The following SH3GL3 variants were observed in gnomAD, a reference collection of about 807,000 sequenced individuals.
The protein encoded by SH3GL3 is SH3 domain containing GRB2 like 3, endophilin A3, also known as endophilin-A3.
SH3GL3 carries 33 observed loss-of-function variants against 47.7 expected under a neutral mutation model. The ratio of observed to expected loss-of-function variants is 0.69; its 90% CI spans 0.52 to 0.92. The LOEUF is 0.92. SH3GL3 is among the 40% of genes least tolerant of loss of function. The pLI, the probability that SH3GL3 is intolerant of heterozygous loss-of-function variation, is 0.00. For synonymous variants in SH3GL3, 155 were observed against 148.8 expected, an observed-to-expected ratio of 1.04 and a Z score of -0.30; for missense variants, 363 against 417.8, an observed-to-expected ratio of 0.87 and a Z score of 1.14.
the SH3GL3 span, among the ~76,000 whole-genome samples, chr15:83,633,437 C>T: frequency 6.6e-6 from 1 of 152,204 alleles, no homozygotes; most frequent in Non-Finnish European, 1.5e-5. Flanking sequence ...CCCTACAGGG[C>T]AAGCTATCTA....
At chr15:83,451,067 G>T (rs2039752450) in intron 1 of SH3GL3, among the ~76,000 whole-genome samples, 1 of 106,080 alleles carries the variant, frequency 9.4e-6, no homozygotes, top group Non-Finnish European at 1.9e-5. Context: ...TTGGTTTTTT[G>T]TTCTTGCGAT....
intron 1 of SH3GL3, among the ~76,000 whole-genome samples, chr15:83,525,351 C>T (rs62027545): frequency 1.7e-3 from 247 of 148,100 alleles, no homozygotes; most frequent in Admixed American, 6.0e-3. Flanking sequence ...ATTCTTTGTG[C>T]GTGTGTGTGT....
rs555037409 is a variant in SH3GL3 at position 83,461,846 on chromosome 15, TACTC to T, written c.45+14270_45+14273del. 1.6e-4 allele frequency among the ~76,000 whole-genome samples: 24 copies of T among 152,324 alleles called. No homozygotes were observed. The South Asian group carries it at 4.1e-3, about 26-fold the overall frequency. On this transcript the variant is annotated intron_variant, in intron 1 of 8. Coordinates refer to ENST00000427482, the MANE Select transcript of SH3GL3 (RefSeq NM_003027.5). ...ACTATTCTCACTGTACTTATGTAAATACTCAGGACAAATCTGATAAAACTAACTT... is the reference window on the plus strand; with the variant it reads ...ACTATTCTCACTGTACTTATGTAAATAGGACAAATCTGATAAAACTAACTT...
intron 2 of SH3GL3, among the ~76,000 whole-genome samples, chr15:83,564,113 C>A (rs957235465): frequency 6.6e-6 from 1 of 152,134 alleles, no homozygotes; most frequent in African/African-American, 2.4e-5. Context: ...TTTCTTCCCA[C>A]TCCAGTATTT....
At chr15:83,463,354 A>C (rs193186555) in intron 1 of SH3GL3, among the ~76,000 whole-genome samples, 1 of 152,202 alleles carries the variant, frequency 6.6e-6, no homozygotes, top group Non-Finnish European at 1.5e-5. Flanking sequence ...GCTTCTGGAA[A>C]AAATGAACTC....
chr15:83,576,472 C>A, intron 5 of SH3GL3, 111 bp from the exon 6 acceptor site: 1 of 984,022 alleles, frequency 1.0e-6, no homozygotes, highest in Non-Finnish European at 1.5e-6. Flanking sequence ...TGGGTTCCTG[C>A]CCTCTGGAAT....
intron 1 of SH3GL3, among the ~76,000 whole-genome samples, chr15:83,468,591 A>C (rs2040686320): frequency 6.6e-6 from 1 of 152,188 alleles, no homozygotes; most frequent in South Asian, 2.1e-4. Flanking sequence ...GTTTTGTCAA[A>C]TGTGCATCAG....
At chr15:83,599,780 T>C (rs1003949535) in intron 8 of SH3GL3, among the ~76,000 whole-genome samples, 2 of 152,204 alleles carry the variant, frequency 1.3e-5, no homozygotes, top group Non-Finnish European at 2.9e-5. Context: ...CAGTTTTCCA[T>C]AGTGGTTGTA....
At chr15:83,475,433 C>G (rs969945326) in intron 1 of SH3GL3, among the ~76,000 whole-genome samples, 9 of 152,114 alleles carry the variant, frequency 5.9e-5, no homozygotes, top group Admixed American at 5.9e-4. Context: ...GAGCCAAGAT[C>G]ACGCCACTGT....
At chr15:83,628,911 C>A in the SH3GL3 span, among the ~76,000 whole-genome samples, 1 of 151,746 alleles carries the variant, frequency 6.6e-6, no homozygotes, top group Non-Finnish European at 1.5e-5. Context: ...AGAAAGTCAA[C>A]ATACAAAAAT....
In SH3GL3 at chr15:83,568,690, C is replaced by A. The variant is rs751559668; in HGVS notation, c.331+18C>A. ...CACCTTTGGTGAGTTATTCAGAGAT[C>A]AGCTGGGGGAGCTGAGAACTCCTCC... On this transcript the variant is annotated intron_variant, in intron 4 of 8. Transcript: ENST00000427482. The A allele has an allele frequency of 2.5e-6, 4 of 1,606,866 alleles. No homozygotes were observed. The highest frequency in any genetic ancestry group is 2.7e-5 in the African/African-American group (2 of 74,740).
chr15:83,449,180 C>T (rs935251638), intron 1 of SH3GL3, among the ~76,000 whole-genome samples: 4 of 152,166 alleles, frequency 2.6e-5, no homozygotes, highest in African/African-American at 9.7e-5. Flanking sequence ...GAGCAGTGAC[C>T]ACTCAATAAA....
chr15:83,600,169 G>A (rs2060343630), intron 8 of SH3GL3, among the ~76,000 whole-genome samples: 2 of 152,070 alleles, frequency 1.3e-5, no homozygotes, highest in South Asian at 4.2e-4. Flanking sequence ...TGTTCCTTTT[G>A]CTCTGCAAAA....
At chr15:83,588,052 C>T (rs771902659) in intron 7 of SH3GL3, among the ~76,000 whole-genome samples, 9 of 152,122 alleles carry the variant, frequency 5.9e-5, no homozygotes, top group Non-Finnish European at 1.0e-4. Context: ...CACTGGGTGC[C>T]GACCGCGTCC....
At chr15:83,616,413 C>A (rs2060818880) in intron 8 of SH3GL3, among the ~76,000 whole-genome samples, 1 of 151,908 alleles carries the variant, frequency 6.6e-6, no homozygotes, top group Non-Finnish European at 1.5e-5. Flanking sequence ...GCCACCACGC[C>A]CGGCTAATTT....
At position 83,614,808 on chromosome 15, in the gene SH3GL3, A is replaced by G. The variant is rs189255194; in HGVS notation, c.839-3274A>G. Among the ~76,000 whole-genome samples, 754 of 152,190 alleles carry G rather than the reference A, an allele frequency of 5.0e-3. 7 individuals are homozygous for G. The highest frequency in any genetic ancestry group is 5.0e-3 in the Non-Finnish European group (343 of 68,004). ...CAAGCTGTCTAAACAACTATAATAT[A>G]ATCCTTCTCACAACAGGAATCTCCA... On this transcript the variant is annotated intron_variant, in intron 8 of 8. Transcript: ENST00000427482.
chr15:83,575,896 G>C (rs1390420616), intron 5 of SH3GL3, among the ~76,000 whole-genome samples: 2 of 152,010 alleles, frequency 1.3e-5, no homozygotes, highest in Non-Finnish European at 2.9e-5. Flanking sequence ...TTCTGACACG[G>C]GGTCTCTCTG....
At chr15:83,625,635 T>C in the SH3GL3 span, among the ~76,000 whole-genome samples, 1 of 152,248 alleles carries the variant, frequency 6.6e-6, no homozygotes, top group Non-Finnish European at 1.5e-5. Flanking sequence ...TAAATTTCAA[T>C]TTTATATGTT....
At chr15:83,612,922 G>C (rs1041454135) in intron 8 of SH3GL3, among the ~76,000 whole-genome samples, 30 of 152,248 alleles carry the variant, frequency 2.0e-4, no homozygotes, top group African/African-American at 7.0e-4. Flanking sequence ...AAAAGCCTTG[G>C]CTTTCACAAT....
Sources: allele counts gnomAD v4.1 joint callset (sites outside exome capture counted in the v4.1 genomes callset), GRCh38; gene constraint gnomAD v4.1.1; transcripts MANE v1.5; gene names NCBI Gene and HGNC (gene_info 2026-07-23, HGNC 2026-07-21).